The following TNFSF4 variants were observed in gnomAD, a reference collection of about 807,000 sequenced individuals.
The protein encoded by TNFSF4 is tumor necrosis factor ligand superfamily member 4.
Under a neutral mutation model 7.3 loss-of-function variants are expected in TNFSF4, and 4 were observed. The ratio of observed to expected loss-of-function variants is 0.55; its 90% CI spans 0.27 to 1.25. TNFSF4 has a LOEUF of 1.25. Among genes scored for constraint, TNFSF4 ranks in the 50% most tolerant of loss-of-function variants. The pLI, the probability that TNFSF4 is intolerant of heterozygous loss-of-function variation, is 0.12. For synonymous variants in TNFSF4, 76 were observed against 83.7 expected, an observed-to-expected ratio of 0.91 and a Z score of 0.50; for missense variants, 181 against 208.8, an observed-to-expected ratio of 0.87 and a Z score of 0.82.
chr1:173,191,964 A>C (rs1025307371), intron 1 of TNFSF4, among the ~76,000 whole-genome samples: 29 of 152,074 alleles, frequency 1.9e-4, no homozygotes, highest in Admixed American at 7.2e-4. Context: ...ATCACATGAG[A>C]TCAGGAGTTT....
the TNFSF4 span, among the ~76,000 whole-genome samples, chr1:173,214,848 T>G: frequency 2.0e-5 from 3 of 152,204 alleles, no homozygotes; most frequent in Non-Finnish European, 4.4e-5. Flanking sequence ...AACACATCTT[T>G]AACACAAGGA....
At chr1:173,356,099 GAC>G in the TNFSF4 span, among the ~76,000 whole-genome samples, 1 of 152,212 alleles carries the variant, frequency 6.6e-6, no homozygotes, top group Admixed American at 6.5e-5. Context: ...TTCAGATATT[GAC>G]ACATTTTGTG....
the TNFSF4 span, among the ~76,000 whole-genome samples, chr1:173,232,666 T>C: frequency 1.3e-5 from 2 of 152,028 alleles, no homozygotes; most frequent in Non-Finnish European, 2.9e-5. Context: ...TTATTGAGAG[T>C]TTTTAGCATG....
chr1:173,183,443 G>A (rs1649094171), downstream of TNFSF4, among the ~76,000 whole-genome samples: 1 of 152,150 alleles, frequency 6.6e-6, no homozygotes, highest in Non-Finnish European at 1.5e-5. Context: ...ATCATCCAGG[G>A]TTAGAAATAA....
At chr1:173,205,856 G>A (rs369959812) in intron 1 of TNFSF4, 1 of 154,138 alleles carries the variant, frequency 6.5e-6, no homozygotes, top group African/African-American at 2.4e-5. Flanking sequence ...GGATCAATGT[G>A]TTGTTGTGCT....
chr1:173,239,034 A>C, the TNFSF4 span, among the ~76,000 whole-genome samples: 5 of 152,222 alleles, frequency 3.3e-5, no homozygotes, highest in African/African-American at 1.2e-4. Context: ...TGAGCCTGTT[A>C]TCTCCAAGAT....
At chr1:173,373,463 G>T in the TNFSF4 span, among the ~76,000 whole-genome samples, 5 of 152,150 alleles carry the variant, frequency 3.3e-5, no homozygotes, top group African/African-American at 4.8e-5. Context: ...CCTCAGGGTG[G>T]TTAATGACAG....
At chr1:173,324,178 AC>A in the TNFSF4 span, among the ~76,000 whole-genome samples, 1 of 152,224 alleles carries the variant, frequency 6.6e-6, no homozygotes, top group East Asian at 1.9e-4. Flanking sequence ...CAGAAACCCT[AC>A]AAGCCAGAAG....
At chr1:173,203,559 T>TA (rs1250178593) in intron 1 of TNFSF4, among the ~76,000 whole-genome samples, 1 of 152,178 alleles carries the variant, frequency 6.6e-6, no homozygotes, top group Non-Finnish European at 1.5e-5. Context: ...TATTAAATGA[T>TA]ACAAAGAAAG....
rs1170856377 is a variant in TNFSF4, at chr1:173,185,155, A to G, written c.*1361T>C. On this transcript the variant is annotated 3_prime_UTR_variant, in exon 3 of 3. Transcript: ENST00000281834. Reference sequence around the variant, plus strand: ...ATCCAGAAAGATTCTGTGATGTTGTATCCTCTATTGAAAATGTCAGGGAAA... The same window carrying G: ...ATCCAGAAAGATTCTGTGATGTTGTGTCCTCTATTGAAAATGTCAGGGAAA... 2 of 152,224 alleles carry G rather than the reference A, an allele frequency of 1.3e-5. No individual in the cohort carries two copies. The highest frequency in any genetic ancestry group is 4.8e-5 in the African/African-American group (2 of 41,456). The allele number at this position is 152,224 out of a possible 1,614,324, so 9.4% of individuals were successfully genotyped here. A position where few individuals can be genotyped will look rare whatever the true frequency, so the allele number is the denominator to read the frequency against.
At chr1:173,444,570 T>C in the TNFSF4 span, among the ~76,000 whole-genome samples, 2 of 152,136 alleles carry the variant, frequency 1.3e-5, no homozygotes, top group African/African-American at 4.8e-5. Flanking sequence ...ATAATCCCTT[T>C]AAAGGAAAAC....
At chr1:173,265,480 C>T in the TNFSF4 span, among the ~76,000 whole-genome samples, 1 of 152,148 alleles carries the variant, frequency 6.6e-6, no homozygotes, top group African/African-American at 2.4e-5. Context: ...TTCTGATGGG[C>T]TATTTTATGA....
chr1:173,377,607 T>C, the TNFSF4 span, among the ~76,000 whole-genome samples: 1 of 152,210 alleles, frequency 6.6e-6, no homozygotes, highest in Non-Finnish European at 1.5e-5. Context: ...TCTCTGAGGA[T>C]AGTCCCACTT....
At chr1:173,278,570 G>A in the TNFSF4 span, among the ~76,000 whole-genome samples, 2 of 151,986 alleles carry the variant, frequency 1.3e-5, no homozygotes, top group Non-Finnish European at 2.9e-5. Context: ...ACTTTCACTG[G>A]AAAGTAGTCT....
chr1:173,281,097 C>A, the TNFSF4 span, among the ~76,000 whole-genome samples: 1 of 151,914 alleles, frequency 6.6e-6, no homozygotes, highest in Admixed American at 6.6e-5. Context: ...GGTTCATAAG[C>A]GTGATAATTG....
chr1:173,312,825 G>C, the TNFSF4 span, among the ~76,000 whole-genome samples: 2 of 152,070 alleles, frequency 1.3e-5, no homozygotes, highest in East Asian at 1.9e-4. Flanking sequence ...AGCACAAATG[G>C]CAAGTTTGTA....
chr1:173,291,097 G>A, the TNFSF4 span, among the ~76,000 whole-genome samples: 1 of 152,142 alleles, frequency 6.6e-6, no homozygotes, highest in Non-Finnish European at 1.5e-5. Flanking sequence ...TGGTTCTGCA[G>A]GATATACAGG....
chr1:173,361,915 T>C, the TNFSF4 span, among the ~76,000 whole-genome samples: 1 of 152,218 alleles, frequency 6.6e-6, no homozygotes, highest in East Asian at 1.9e-4. Context: ...TAGGTAGCCA[T>C]GACAATTCAT....
the TNFSF4 span, among the ~76,000 whole-genome samples, chr1:173,327,464 C>T: frequency 6.6e-6 from 1 of 151,572 alleles, no homozygotes; most frequent in East Asian, 1.9e-4. Context: ...ATGTCTAAAA[C>T]ACCAAAAGCA....
Sources: allele counts gnomAD v4.1 joint callset (sites outside exome capture counted in the v4.1 genomes callset), GRCh38; gene constraint gnomAD v4.1.1; transcripts MANE v1.5; gene names NCBI Gene and HGNC (gene_info 2026-07-23, HGNC 2026-07-21).